Variants in APC observed in about 807,000 individuals in gnomAD.
APC encodes adenomatous polyposis coli protein.
In APC, 72 loss-of-function variants were observed where a neutral mutation model predicts 247.0. That is an observed-to-expected ratio of 0.29 (90% CI 0.24 to 0.35). APC has a LOEUF of 0.35. APC is among the 10% of genes least tolerant of loss of function. The pLI, the probability that APC is intolerant of heterozygous loss-of-function variation, is 1.00. For synonymous variants in APC, 1,254 were observed against 1,162.5 expected (o/e 1.08, Z -1.60); for missense variants, 3,400 against 3,360.7 (o/e 1.01, Z -0.29).
intron 6 of APC, among the ~76,000 whole-genome samples, chr5:112,783,502 G>A (rs924863308): frequency 1.3e-5 from 2 of 151,728 alleles, no homozygotes; most frequent in Non-Finnish European, 2.9e-5. Flanking sequence ...AATTGAAAAT[G>A]GTCAACCATG....
chr5:112,816,893 G>A (rs1217893165), intron 9 of APC, among the ~76,000 whole-genome samples: 1 of 151,656 alleles, frequency 6.6e-6, no homozygotes, highest in Non-Finnish European at 1.5e-5. Context: ...TTTTGAGATG[G>A]AGTCTTGCTC....
chr5:112,845,657 T>A lies in APC; in HGVS notation c.*1531T>A, dbSNP rs546105981. ...GAAACTTTATTTGTGGTAGGTACAG[T>A]TCTGGGGTACATGTTAAGTGTCCCC... On this transcript the variant is annotated 3_prime_UTR_variant, in exon 16 of 16. Transcript: ENST00000257430. The A allele has an allele frequency of 1.5e-4, 35 of 232,118 alleles. No individual in the cohort carries two copies. Among genetic ancestry groups the A allele is most frequent in the African/African-American group, 7.3e-4 (33 of 45,402 alleles). 14.4% of individuals were successfully genotyped at this position (232,118 alleles called of 1,614,324 possible).
At chr5:112,826,037 G>A (rs1324771677) in intron 11 of APC, among the ~76,000 whole-genome samples, 1 of 152,132 alleles carries the variant, frequency 6.6e-6, no homozygotes, top group Non-Finnish European at 1.5e-5. Flanking sequence ...ATAAAGTTTT[G>A]CATAAATCTT....
At chr5:112,716,374 A>T (rs1242871430) in intron 1 of APC, among the ~76,000 whole-genome samples, 2 of 152,128 alleles carry the variant, frequency 1.3e-5, no homozygotes, top group Admixed American at 6.5e-5. Flanking sequence ...TTATTTCTAA[A>T]CATATGGAGA....
intron 1 of APC, among the ~76,000 whole-genome samples, chr5:112,731,888 A>G (rs1333701607): frequency 6.6e-6 from 1 of 151,962 alleles, no homozygotes; most frequent in Non-Finnish European, 1.5e-5. Flanking sequence ...CAGCATCCCG[A>G]GTATCTGGGA....
chr5:112,816,460 G>C (rs1762521928), intron 9 of APC, among the ~76,000 whole-genome samples: 1 of 152,124 alleles, frequency 6.6e-6, no homozygotes, highest in African/African-American at 2.4e-5. Context: ...TTAGATGTTA[G>C]CAAATATTTT....
At chr5:112,794,161 C>T (rs991252248) in intron 7 of APC, among the ~76,000 whole-genome samples, 1 of 151,964 alleles carries the variant, frequency 6.6e-6, no homozygotes, top group African/African-American at 2.4e-5. Flanking sequence ...GGCGCAATCT[C>T]GGCTCACTGC....
chr5:112,737,766 T>C (rs1445389442), upstream of APC: 1 of 868,468 alleles, frequency 1.2e-6, no homozygotes, highest in Non-Finnish European at 1.4e-6. Context: ...GAAGCAGCTG[T>C]GTAATCCGCT....
At position 112,840,562 on chromosome 5, in the gene APC, T is replaced by G. The variant is rs569552944; in HGVS notation, c.4968T>G (p.Ser1656=). 6.2e-7 allele frequency: 1 copy of G among 1,614,086 alleles called. No individual in the cohort carries two copies. Among genetic ancestry groups the G allele is most frequent in the South Asian group, 1.1e-5 (1 of 91,076 alleles). The stretch of plus-strand genomic sequence containing the variant: ...CTATAAACTTTTCCACAGCTACATC[T>G]CTAAGTGATCTAACAATCGAATCCC... The part of the protein sequence containing the change: ...GTPINFSTAT[S]LSDLTIESPP... The change falls in exon 16 of 16, where the codon TCT becomes TCG. Residue 1656 remains serine, a synonymous_variant. Coordinates refer to ENST00000257430, the MANE Select transcript of APC (RefSeq NM_000038.6). This position sits in a 1 kb window ranked among gnomAD's most constrained non-coding sequence, Gnocchi z 4.1.
intron 1 of APC, among the ~76,000 whole-genome samples, chr5:112,719,953 A>G (rs1751392584): frequency 6.6e-6 from 1 of 152,230 alleles, no homozygotes; most frequent in African/African-American, 2.4e-5. Flanking sequence ...ATACGATTTC[A>G]AAAATCTTAC....
intron 1 of APC, among the ~76,000 whole-genome samples, chr5:112,726,211 C>T (rs1581037212): frequency 6.6e-6 from 1 of 152,222 alleles, no homozygotes; most frequent in Non-Finnish European, 1.5e-5. Context: ...AAGTGTTAAC[C>T]AGCTAAGTAC....
At chr5:112,728,701 T>TA (rs1238754122) in intron 1 of APC, among the ~76,000 whole-genome samples, 1 of 151,668 alleles carries the variant, frequency 6.6e-6, no homozygotes, top group Non-Finnish European at 1.5e-5. Flanking sequence ...GAGTATGACT[T>TA]AGTTTTTTTT....
chr5:112,732,262 C>T (rs190638364), intron 1 of APC, among the ~76,000 whole-genome samples: 5 of 152,150 alleles, frequency 3.3e-5, no homozygotes, highest in African/African-American at 9.7e-5. Flanking sequence ...GTGGGAACTT[C>T]GAGAGCAGAA....
intron 2 of APC, among the ~76,000 whole-genome samples, chr5:112,755,553 T>G (rs1182913492): frequency 6.6e-6 from 1 of 152,200 alleles, no homozygotes; most frequent in Admixed American, 6.5e-5. Context: ...TCTTCAGAAC[T>G]TAAGTTGTCT....
rs1763470894 is a variant in APC, at chr5:112,824,749, TTAGTATACCAGGCCAAGTC to T, written c.1409-2357_1409-2339del. Reference sequence around the variant, plus strand: ...AATACTCGACATCTTGGGGATCTCATTAGTATACCAGGCCAAGTCTTAAGGTCTTCCCTGTCAATTTCAT... The same window carrying T: ...AATACTCGACATCTTGGGGATCTCATTTAAGGTCTTCCCTGTCAATTTCAT... On this transcript the variant is annotated intron_variant, in intron 11 of 15. Coordinates refer to ENST00000257430, the MANE Select transcript of APC (RefSeq NM_000038.6). Among the ~76,000 whole-genome samples, 8 of 32,254 alleles carry T rather than the reference TTAGTATACCAGGCCAAGTC, an allele frequency of 2.5e-4. No individual in the cohort carries two copies. The Admixed American group carries it at 3.5e-3, about 14-fold the overall frequency. 21.2% of individuals were successfully genotyped at this position (32,254 alleles called of 152,430 possible). A position where few individuals can be genotyped will look rare whatever the true frequency, so the allele number is the denominator to read the frequency against.
intron 4 of APC, among the ~76,000 whole-genome samples, chr5:112,768,700 A>T (rs765487586): frequency 3.2e-4 from 48 of 152,180 alleles, no homozygotes; most frequent in Non-Finnish European, 6.3e-4. Context: ...TAATATTGTT[A>T]ACTGTGCTCA....
intron 7 of APC, among the ~76,000 whole-genome samples, chr5:112,794,054 AAAG>A (rs1293497061): frequency 2.1e-5 from 2 of 94,886 alleles, no homozygotes; most frequent in Non-Finnish European, 4.8e-5. Flanking sequence ...AAAAAAAAAA[AAAG>A]GTAGGATGAT....
At chr5:112,801,225 C>A (rs1241616345) in intron 7 of APC, 54 bp from the exon 8 acceptor site, 1 of 1,473,534 alleles carries the variant, frequency 6.8e-7, no homozygotes, top group Non-Finnish European at 9.4e-7. Context: ...AAGCCTTGGG[C>A]TAAGAAAGCC....
chr5:112,739,535 A>G (rs532573426), intron 1 of APC, among the ~76,000 whole-genome samples: 1 of 152,334 alleles, frequency 6.6e-6, no homozygotes, highest in African/African-American at 2.4e-5. Context: ...TTCTGCTTTA[A>G]GAATTACTTG....
Sources: allele counts gnomAD v4.1 joint callset (sites outside exome capture counted in the v4.1 genomes callset), GRCh38; gene constraint gnomAD v4.1.1; non-coding constraint Gnocchi (gnomAD v3.1); transcripts MANE v1.5; gene names NCBI Gene and HGNC (gene_info 2026-07-23, HGNC 2026-07-21).